Variants in YARS1 observed in about 807,000 individuals in gnomAD.
YARS1 encodes tyrosine--tRNA ligase, cytoplasmic.
Under a neutral mutation model 62.2 loss-of-function variants are expected in YARS1, and 36 were observed. The observed-to-expected ratio is 0.58, with a 90% CI of 0.44 to 0.76. The LOEUF is 0.76. Among genes scored for constraint, YARS1 ranks in the 30% least tolerant of loss-of-function variants. The probability of loss-of-function intolerance (pLI) is 0.00; values close to 1 mark genes in which losing one functional copy is unlikely to be tolerated. For missense variants in YARS1, 524 were observed against 639.8 expected (o/e 0.82, Z 1.95); for synonymous variants, 234 against 244.9 (o/e 0.96, Z 0.42).
chr1:32,793,756 T>G (rs1653487160), intron 5 of YARS1, among the ~76,000 whole-genome samples: 1 of 152,188 alleles, frequency 6.6e-6, no homozygotes, highest in South Asian at 2.1e-4. Flanking sequence ...AACTTAGAGG[T>G]GACTTTTCAG....
chr1:32,776,296 C>T lies in YARS1; in HGVS notation c.1477-205G>A, dbSNP rs571726815. ...CCGAGTAGCTGGGACTACAGGCATG[C>T]ACCACCACGCCCGACTAATTTTGTA... On this transcript the variant is annotated intron_variant, in intron 12 of 12. Transcript: ENST00000373477. This position sits in a 1 kb window ranked among gnomAD's most constrained non-coding sequence, Gnocchi z 4.0. Among the ~76,000 whole-genome samples, 4 of 152,176 alleles carry T rather than the reference C, an allele frequency of 2.6e-5. No homozygotes were observed. Among genetic ancestry groups the T allele is most frequent in the Admixed American group, 6.5e-5 (1 of 15,280 alleles).
chr1:32,811,463 T>C (rs931914158), intron 1 of YARS1: 6 of 319,678 alleles, frequency 1.9e-5, no homozygotes, highest in African/African-American at 1.1e-4. Flanking sequence ...TTGTGTCTGG[T>C]TGATGGTACC....
At chr1:32,789,588 A>ATTT (rs11318209) in intron 6 of YARS1, among the ~76,000 whole-genome samples, 1 of 136,380 alleles carries the variant, frequency 7.3e-6, no homozygotes. Context: ...TGGGCCAGGC[A>ATTT]TTTTTTTTTT....
chr1:32,788,419 TTTTATTTA>T (rs571989814), intron 6 of YARS1, among the ~76,000 whole-genome samples: 6 of 151,914 alleles, frequency 3.9e-5, no homozygotes, highest in Non-Finnish European at 5.9e-5. Flanking sequence ...CCTGGCTAAT[TTTTATTTA>T]TTTATTTATT....
chr1:32,801,147 G>A (rs1311183118), intron 4 of YARS1, among the ~76,000 whole-genome samples: 2 of 152,164 alleles, frequency 1.3e-5, no homozygotes, highest in South Asian at 2.1e-4. Flanking sequence ...GAGCTTCCCA[G>A]GAAGCGGGGA....
chr1:32,804,927 C>T (rs1472455917), intron 4 of YARS1, among the ~76,000 whole-genome samples: 5 of 152,186 alleles, frequency 3.3e-5, no homozygotes, highest in Admixed American at 3.3e-4. Flanking sequence ...CGCCACTGCA[C>T]TCCAGCCTGG....
chr1:32,810,918 C>T lies in YARS1; in HGVS notation c.197G>A (p.Gly66Glu), dbSNP rs1474484747. ...MSKIADFLKA[G>E]CEVTILFADL... ...TATAGCATTAGTTCTTACCTCACAC[C>T]CTGCCTTTAAGAAGTCTGCAATCTT... is the stretch of plus-strand genomic sequence containing the variant. The change falls in exon 2 of 13, where the codon GGG becomes GAG. Residue 66 changes from glycine (G) to glutamate (E), a missense_variant. Coordinates refer to ENST00000373477, the MANE Select transcript of YARS1 (RefSeq NM_003680.4). The T allele has an allele frequency of 1.2e-6, 2 of 1,614,006 alleles. No individual in the cohort carries two copies. The highest frequency in any genetic ancestry group is 1.7e-6 in the Non-Finnish European group (2 of 1,180,036).
At chr1:32,795,002 CAAAAAAAAAAAAAA>C (rs71278770) in intron 5 of YARS1, among the ~76,000 whole-genome samples, 3 of 22,868 alleles carry the variant, frequency 1.3e-4, no homozygotes, top group South Asian at 4.1e-3. Context: ...GACTCTGTCT[CAAAAAAAAAAAAAA>C]AAAAAAAAAA....
In YARS1 at chr1:32,816,702, G is replaced by A. The variant is rs561409430; in HGVS notation, c.57+486C>T. Reference sequence around the variant, plus strand: ...AACAAACGGAACATTTGTGGAGTGAGGGGGGGGGATCCATTTCCTTCAAGG... The same window carrying A: ...AACAAACGGAACATTTGTGGAGTGAAGGGGGGGGATCCATTTCCTTCAAGG... On this transcript the variant is annotated intron_variant, in intron 1 of 12. Coordinates refer to ENST00000373477, the MANE Select transcript of YARS1 (RefSeq NM_003680.4). The A allele has an allele frequency of 2.0e-4, 31 of 157,558 alleles. 1 individual carries two copies. The South Asian group carries it at 3.2e-3, about 16-fold the overall frequency. The allele number at this position is 157,558 out of a possible 1,614,324, so 9.8% of individuals were successfully genotyped here.
chr1:32,811,945 T>C lies in YARS1; in HGVS notation c.58-888A>G, dbSNP rs548065470. Among the ~76,000 whole-genome samples the C allele has an allele frequency of 3.7e-4, 56 of 152,284 alleles. No individual in the cohort carries two copies. In the South Asian group the frequency reaches 0.011, roughly 31 times the overall value. The stretch of plus-strand genomic sequence containing the variant: ...TTGGCCAACAGGATCCCAAAGAAAC[T>C]TAAAAAACTAGTTCAGGCCAAGGCA... On this transcript the variant is annotated intron_variant, in intron 1 of 12. Transcript: ENST00000373477.
chr1:32,784,142 C>A (rs1312077069), intron 8 of YARS1, among the ~76,000 whole-genome samples: 1 of 151,464 alleles, frequency 6.6e-6, no homozygotes, highest in Non-Finnish European at 1.5e-5. Flanking sequence ...GTAGCTGCGA[C>A]TACAGGCATG....
At chr1:32,784,314 G>A (rs965132031) in intron 8 of YARS1, among the ~76,000 whole-genome samples, 8 of 151,700 alleles carry the variant, frequency 5.3e-5, no homozygotes, top group Non-Finnish European at 8.8e-5. Context: ...CGCACCTGGC[G>A]TACATTAACA....
At chr1:32,808,508 C>A (rs1215731199) in intron 3 of YARS1, among the ~76,000 whole-genome samples, 3 of 152,076 alleles carry the variant, frequency 2.0e-5, no homozygotes, top group Non-Finnish European at 4.4e-5. Context: ...GCCCTAAAGT[C>A]ATTTTTGTAT....
chr1:32,817,100 C>T (rs1638765864), intron 1 of YARS1, 88 bp downstream of exon 1: 2 of 1,544,798 alleles, frequency 1.3e-6, no homozygotes, highest in Admixed American at 1.7e-5. Flanking sequence ...CCCGGCCCCA[C>T]ATACTTAGAA....
At chr1:32,778,735 T>C (rs1019496826) in intron 12 of YARS1, among the ~76,000 whole-genome samples, 2 of 145,030 alleles carry the variant, frequency 1.4e-5, no homozygotes, top group Non-Finnish European at 1.5e-5. Flanking sequence ...TCTTTTCTTT[T>C]CTTTTTTTTT....
At chr1:32,812,981 A>C (rs1638619255) in intron 1 of YARS1, among the ~76,000 whole-genome samples, 2 of 151,770 alleles carry the variant, frequency 1.3e-5, no homozygotes, top group East Asian at 1.9e-4. Flanking sequence ...AAAAAAAAAA[A>C]AAAAAAACCT....
rs988086387 is a variant in YARS1 at position 32,777,271 on chromosome 1, T to C, written c.1477-1180A>G. ...CTCGAACTCCCGCCCTCAGGTGATCTGCCTGCCTTGGCCTCCCAAAGTGCT... is the reference window on the plus strand; with the variant it reads ...CTCGAACTCCCGCCCTCAGGTGATCCGCCTGCCTTGGCCTCCCAAAGTGCT... On this transcript the variant is annotated intron_variant, in intron 12 of 12. Coordinates refer to ENST00000373477, the MANE Select transcript of YARS1 (RefSeq NM_003680.4). Among the ~76,000 whole-genome samples, 137 of 151,856 alleles carry C rather than the reference T, an allele frequency of 9.0e-4. 5 individuals are homozygous for C. The highest frequency in any genetic ancestry group is 6.5e-4 in the Admixed American group (10 of 15,268).
chr1:32,786,702 C>A lies in YARS1; in HGVS notation c.820+238G>T. ...TCTAGTTCAACATGTCTGCCCCCAC[C>A]CTTACTTCTAACACCTCTGCCCACT... On this transcript the variant is annotated intron_variant, in intron 7 of 12. Transcript: ENST00000373477. 2 of 704,280 alleles carry A rather than the reference C, an allele frequency of 2.8e-6. 1 individual carries two copies. Among genetic ancestry groups the A allele is most frequent in the South Asian group, 3.7e-5 (2 of 53,840 alleles). The allele number at this position is 704,280 out of a possible 1,614,324, so 43.6% of individuals were successfully genotyped here.
At chr1:32,781,681 G>C in intron 9 of YARS1, 1 of 168,802 alleles carries the variant, frequency 5.9e-6, no homozygotes, top group Non-Finnish European at 1.3e-5. Flanking sequence ...CCAGGCCCAT[G>C]CACATAGAAG....
Sources: gnomAD v4.1 joint callset for allele counts (sites outside exome capture counted in the v4.1 genomes callset) on GRCh38, gnomAD v4.1.1 for gene constraint, Gnocchi (gnomAD v3.1) non-coding constraint, MANE v1.5 for transcripts, NCBI Gene and HGNC (gene_info 2026-07-23, HGNC 2026-07-21) for gene names.